IQSEC1: variants seen among roughly 807,000 people sequenced by gnomAD.
The protein encoded by IQSEC1 is IQ motif and SEC7 domain-containing protein 1.
Under a neutral mutation model 91.0 loss-of-function variants are expected in IQSEC1, and 31 were observed. The ratio of observed to expected loss-of-function variants is 0.34; its 90% confidence interval spans 0.26 to 0.46. The LOEUF (loss-of-function observed/expected upper bound fraction) is 0.46. Among genes scored for constraint, IQSEC1 ranks in the 20% least tolerant of loss-of-function variants. The pLI is 1.00. For missense variants in IQSEC1, 1,388 were observed against 1,575.6 expected, an observed-to-expected ratio of 0.88 and a Z score of 2.02; for synonymous variants, 699 against 662.6, an observed-to-expected ratio of 1.05 and a Z score of -0.84.
intron 2 of IQSEC1, among the ~76,000 whole-genome samples, chr3:13,137,296 C>T (rs1484075071): frequency 6.6e-6 from 1 of 152,132 alleles, no homozygotes; most frequent in Non-Finnish European, 1.5e-5. Flanking sequence ...CACGCCCTGA[C>T]AGGAGAATGC....
intron 2 of IQSEC1, among the ~76,000 whole-genome samples, chr3:13,090,074 G>A (rs924946163): frequency 1.3e-5 from 2 of 151,986 alleles, no homozygotes; most frequent in South Asian, 2.1e-4. Flanking sequence ...AAATATTAGC[G>A]GGGTGTGGTG....
intron 3 of IQSEC1, among the ~76,000 whole-genome samples, chr3:12,929,993 C>T (rs996305113): frequency 2.6e-5 from 4 of 152,342 alleles, no homozygotes; most frequent in Middle Eastern, 3.4e-3. Context: ...TTCCTGCACA[C>T]GCATCTCTCA....
intron 1 of IQSEC1, among the ~76,000 whole-genome samples, chr3:13,192,668 C>CG (rs1694057404): frequency 6.6e-6 from 1 of 152,220 alleles, no homozygotes; most frequent in Non-Finnish European, 1.5e-5. Flanking sequence ...CACCAGCCTG[C>CG]GGGGGCAGTG....
intron 1 of IQSEC1, among the ~76,000 whole-genome samples, chr3:12,951,524 C>T (rs898650674): frequency 6.6e-6 from 1 of 152,326 alleles, no homozygotes; most frequent in South Asian, 2.1e-4. Flanking sequence ...AGGGCTTTCC[C>T]AGGGGAGGCT....
intron 1 of IQSEC1, among the ~76,000 whole-genome samples, chr3:13,239,534 C>T (rs903856351): frequency 8.5e-5 from 13 of 152,272 alleles, no homozygotes; most frequent in African/African-American, 2.9e-4. Flanking sequence ...AAGGTCTCTG[C>T]TCTTACTCTC....
At position 12,899,955 on chromosome 3, in the gene IQSEC1, A is replaced by G; in HGVS notation, c.*1028T>C. On this transcript the variant is annotated 3_prime_UTR_variant, in exon 14 of 14. Transcript: ENST00000613206. The stretch of plus-strand genomic sequence containing the variant: ...TCTGAATGAGTGTGCGTCAAATCAT[A>G]TGCGCATAAAAGAAACATGGATCAT... 2.0e-6 allele frequency: 2 copies of G among 985,270 alleles called. No homozygotes were observed. Among genetic ancestry groups the G allele is most frequent in the Non-Finnish European group, 2.4e-6 (2 of 829,852 alleles). The allele number at this position is 985,270 out of a possible 1,614,324, so 61.0% of individuals were successfully genotyped here.
chr3:13,116,677 G>C (rs1416678192), intron 2 of IQSEC1, among the ~76,000 whole-genome samples: 1 of 152,180 alleles, frequency 6.6e-6, no homozygotes, highest in Non-Finnish European at 1.5e-5. Flanking sequence ...AAGGTGGGTG[G>C]ATCGTTTGAG....
intron 2 of IQSEC1, among the ~76,000 whole-genome samples, chr3:13,099,915 G>T (rs986999122): frequency 7.9e-5 from 12 of 152,228 alleles, no homozygotes; most frequent in Middle Eastern, 3.2e-3. Flanking sequence ...CAGGAACAAG[G>T]AATCAGGGTG....
chr3:13,264,537 T>TCCTCC (rs1217514996), intron 1 of IQSEC1, among the ~76,000 whole-genome samples: 4 of 151,806 alleles, frequency 2.6e-5, no homozygotes, highest in Admixed American at 1.3e-4. Context: ...CGGCACCCCC[T>TCCTCC]CCTCCCCTCC....
At chr3:13,228,263 C>A (rs371373518) in intron 1 of IQSEC1, among the ~76,000 whole-genome samples, 1 of 152,060 alleles carries the variant, frequency 6.6e-6, no homozygotes, top group Admixed American at 6.5e-5. Context: ...GTACTAAGAA[C>A]GTGCCAGAAG....
At position 12,967,331 on chromosome 3, in the gene IQSEC1, C is replaced by T. The variant is rs1320756997; in HGVS notation, c.24-25466G>A. ...CCCGCACAGGCATCCCCACAGCCTGCGCCAGCCCACCGCTCAGCACCCGGG... is the reference window on the plus strand; with the variant it reads ...CCCGCACAGGCATCCCCACAGCCTGTGCCAGCCCACCGCTCAGCACCCGGG... On this transcript the variant is annotated intron_variant, in intron 1 of 13. Coordinates refer to ENST00000613206, the MANE Select transcript of IQSEC1 (RefSeq NM_001134382.3). This position sits in a 1 kb window ranked among gnomAD's most constrained non-coding sequence, Gnocchi z 5.9. 2.8e-6 allele frequency: 4 copies of T among 1,444,424 alleles called. No homozygotes were observed. Among genetic ancestry groups the T allele is most frequent in the Non-Finnish European group, 3.7e-6 (4 of 1,070,516 alleles). The allele number at this position is 1,444,424 out of a possible 1,614,324, so 89.5% of individuals were successfully genotyped here.
Position 13,054,722 on chromosome 3 carries a change from G to A in IQSEC1, c.23+18270C>T, listed in dbSNP as rs575603929. On this transcript the variant is annotated intron_variant, in intron 1 of 13. Transcript: ENST00000613206. The stretch of plus-strand genomic sequence containing the variant: ...GGCCTCTGGACTTGAGCCCAGGAAA[G>A]CCACCGTGTCACCTTGTGGTCTCAT... Among the ~76,000 whole-genome samples the A allele has an allele frequency of 2.0e-5, 3 of 152,290 alleles. No individual in the cohort carries two copies. The South Asian group carries it at 6.2e-4, about 32-fold the overall frequency.
intron 1 of IQSEC1, among the ~76,000 whole-genome samples, chr3:12,949,982 CAGG>C (rs1307574499): frequency 6.6e-6 from 1 of 152,218 alleles, no homozygotes; most frequent in Non-Finnish European, 1.5e-5. Flanking sequence ...GGTGTTCAAG[CAGG>C]GTCTGGAAAA....
At chr3:13,220,945 T>G in intron 1 of IQSEC1, among the ~76,000 whole-genome samples, 1 of 152,194 alleles carries the variant, frequency 6.6e-6, no homozygotes, top group Non-Finnish European at 1.5e-5. Flanking sequence ...CACTTATTTC[T>G]CAAACCGGCT....
chr3:13,207,409 C>T lies in IQSEC1; in HGVS notation c.273-43276G>A, dbSNP rs924579017. ...CAAGCCCCGTCTTCTCTGCCAGGTC[C>T]CTGGGACGGCTTCCCTCTGGCCACC... is the stretch of plus-strand genomic sequence containing the variant. On this transcript the variant is annotated intron_variant, in intron 1 of 15. Coordinates refer to the IQSEC1 transcript ENST00000648114. The surrounding 1 kb of genome is among the most constrained non-coding windows in gnomAD (Gnocchi z 4.8). Among the ~76,000 whole-genome samples the T allele has an allele frequency of 1.3e-5, 2 of 151,328 alleles. No homozygotes were observed. Among genetic ancestry groups the T allele is most frequent in the African/African-American group, 2.4e-5 (1 of 41,290 alleles).
chr3:13,220,922 C>G (rs1041918685), intron 1 of IQSEC1, among the ~76,000 whole-genome samples: 1 of 152,262 alleles, frequency 6.6e-6, no homozygotes, highest in African/African-American at 2.4e-5. Flanking sequence ...GGCCACTTCA[C>G]AGGCATTAAT....
At position 13,169,424 on chromosome 3, in the gene IQSEC1, A is replaced by C. The variant is rs9877355; in HGVS notation, c.273-5291T>G. 5.1e-3 allele frequency among the ~76,000 whole-genome samples: 774 copies of C among 152,334 alleles called. 5 individuals are homozygous for C. Among genetic ancestry groups the C allele is most frequent in the African/African-American group, 0.018 (746 of 41,568 alleles). ...TTTATCAGCAGTGTGAAAATGGACT[A>C]ATACAGTAAATTGGTACCAGTAGAG... On this transcript the variant is annotated intron_variant, in intron 1 of 15. Coordinates refer to the IQSEC1 transcript ENST00000648114.
At chr3:12,948,024 G>C (rs577047569) in intron 1 of IQSEC1, among the ~76,000 whole-genome samples, 5 of 152,254 alleles carry the variant, frequency 3.3e-5, no homozygotes, top group African/African-American at 1.2e-4. Flanking sequence ...TGCCAAGCAA[G>C]GGGCCAAGCA....
intron 1 of IQSEC1, among the ~76,000 whole-genome samples, chr3:13,281,968 C>G (rs544324008): frequency 6.6e-6 from 1 of 152,162 alleles, no homozygotes; most frequent in Non-Finnish European, 1.5e-5. Flanking sequence ...TGAGGCTGCT[C>G]CGGGTTTCGA....
Sources: gnomAD v4.1 joint callset for allele counts (sites outside exome capture counted in the v4.1 genomes callset) on GRCh38, gnomAD v4.1.1 for gene constraint, Gnocchi (gnomAD v3.1) non-coding constraint, MANE v1.5 for transcripts, NCBI Gene and HGNC (gene_info 2026-07-23, HGNC 2026-07-21) for gene names.